The following SLC41A2 variants were observed in gnomAD, a reference collection of about 807,000 sequenced individuals.
SLC41A2 encodes the protein solute carrier family 41 member 2, also known as SLC41A1-like 1.
Under a neutral mutation model 58.3 loss-of-function variants are expected in SLC41A2, and 32 were observed. The ratio of observed to expected loss-of-function variants is 0.55; its 90% CI spans 0.41 to 0.74. The LOEUF is 0.74. SLC41A2 is among the 30% of genes least tolerant of loss of function. The probability of loss-of-function intolerance (pLI) is 0.00; values close to 1 mark genes in which losing one functional copy is unlikely to be tolerated. For missense variants in SLC41A2, 514 were observed against 680.6 expected, an observed-to-expected ratio of 0.76 and a Z score of 2.72; for synonymous variants, 190 against 235.0, an observed-to-expected ratio of 0.81 and a Z score of 1.75.
At chr12:104,938,992 A>G (rs538210580) in intron 1 of SLC41A2, among the ~76,000 whole-genome samples, 43 of 152,264 alleles carry the variant, frequency 2.8e-4, no homozygotes, top group Admixed American at 2.3e-3. Flanking sequence ...CTAAAAAATA[A>G]GTATACATTT....
chr12:104,909,037 G>A (rs1428829616), intron 3 of SLC41A2, among the ~76,000 whole-genome samples: 1 of 152,096 alleles, frequency 6.6e-6, no homozygotes, highest in Non-Finnish European at 1.5e-5. Context: ...TAACGACACA[G>A]ATCTACATTT....
chr12:104,855,492 T>C (rs1244665953), intron 8 of SLC41A2, among the ~76,000 whole-genome samples: 2 of 152,250 alleles, frequency 1.3e-5, no homozygotes, highest in East Asian at 1.9e-4. Context: ...TTGAACGTTA[T>C]ATAAATGGAA....
chr12:104,905,117 T>C (rs552585998), intron 3 of SLC41A2, among the ~76,000 whole-genome samples: 23 of 152,142 alleles, frequency 1.5e-4, no homozygotes, highest in African/African-American at 5.3e-4. Flanking sequence ...ATACAGAGTT[T>C]CCACACACAG....
chr12:104,937,500 G>A (rs1262017962), intron 1 of SLC41A2, among the ~76,000 whole-genome samples: 2 of 152,190 alleles, frequency 1.3e-5, no homozygotes, highest in East Asian at 1.9e-4. Flanking sequence ...TAGCCTAGGA[G>A]CGATAGGCCA....
chr12:104,811,566 G>A (rs2041175603), intron 10 of SLC41A2, among the ~76,000 whole-genome samples: 1 of 152,070 alleles, frequency 6.6e-6, no homozygotes, highest in African/African-American at 2.4e-5. Context: ...GGGATAAACA[G>A]GAGTTACCAA....
At chr12:104,814,132 G>A (rs2041292973) in intron 10 of SLC41A2, among the ~76,000 whole-genome samples, 1 of 152,162 alleles carries the variant, frequency 6.6e-6, no homozygotes, top group Non-Finnish European at 1.5e-5. Context: ...AGTCAGGCAT[G>A]GTGGCTCACA....
At chr12:104,823,924 C>G (rs2041739263) in intron 10 of SLC41A2, among the ~76,000 whole-genome samples, 1 of 152,130 alleles carries the variant, frequency 6.6e-6, no homozygotes, top group Non-Finnish European at 1.5e-5. Context: ...TTTTGTCACA[C>G]ACAAAAAAAT....
rs569041184 is a variant in SLC41A2, at chr12:104,912,689, C to T, written c.556-2927G>A. On this transcript the variant is annotated intron_variant, in intron 2 of 10. Transcript: ENST00000258538. ...GCAGCTTCAGCAGACCAATCAAGCC[C>T]GAAGAGGAGATCACCGGAACCCCAG... Among the ~76,000 whole-genome samples the T allele has an allele frequency of 2.6e-5, 4 of 152,242 alleles. No homozygotes were observed. The South Asian group carries it at 8.3e-4, about 32-fold the overall frequency.
At chr12:104,822,905 G>A (rs939800583) in intron 10 of SLC41A2, among the ~76,000 whole-genome samples, 2 of 152,230 alleles carry the variant, frequency 1.3e-5, no homozygotes, top group South Asian at 4.1e-4. Context: ...TCACTATATT[G>A]AGAGGGAATT....
Position 104,899,965 on chromosome 12 carries a change from C to T in SLC41A2, c.664-4620G>A, listed in dbSNP as rs570512874. On this transcript the variant is annotated intron_variant, in intron 3 of 10. Transcript: ENST00000258538. ...ATTCCTATGTAAATGCACTTTAGTA[C>T]TTGGTCACAGATTTCACCAGATCTT... 2.0e-5 allele frequency among the ~76,000 whole-genome samples: 3 copies of T among 152,234 alleles called. No homozygotes were observed. In the South Asian group the frequency reaches 6.2e-4, roughly 32 times the overall value.
intron 1 of SLC41A2, among the ~76,000 whole-genome samples, chr12:104,935,203 C>T (rs2047214211): frequency 6.6e-6 from 1 of 152,044 alleles, no homozygotes; most frequent in Non-Finnish European, 1.5e-5. Flanking sequence ...AGGTGATCTG[C>T]CCTCCTCAGC....
rs756105347 is a variant in SLC41A2 at position 104,805,273 on chromosome 12, G to T, written c.1601C>A (p.Pro534Gln). ...TAGGTAGGGGATGGAGAAACTATCC[G>T]GGTCCTTTCCTTTCCTCCAGAAGTG... ...VHHFWRKGKD[P>Q]DSFSIPYLTA... Residue 534 changes from proline to glutamine, a missense_variant, in exon 11 of 11, where the codon CCG (proline) becomes CAG (glutamine). Around this residue, in one of 3 missense-constraint regions of SLC41A2, gnomAD observed 128 missense variants for 146.0 expected, o/e 0.88. Transcript: ENST00000258538. 1 of 1,613,718 alleles carries T rather than the reference G, an allele frequency of 6.2e-7. No individual in the cohort carries two copies. Among genetic ancestry groups the T allele is most frequent in the African/African-American group, 1.3e-5 (1 of 74,870 alleles).
At chr12:104,834,697 CAT>C (rs2042150108) in intron 10 of SLC41A2, among the ~76,000 whole-genome samples, 3 of 151,082 alleles carry the variant, frequency 2.0e-5, no homozygotes, top group East Asian at 3.9e-4. Context: ...AAAAAAAAGA[CAT>C]AACTACATCA....
chr12:104,933,576 A>G (rs1256082990), intron 1 of SLC41A2, among the ~76,000 whole-genome samples: 2 of 148,998 alleles, frequency 1.3e-5, no homozygotes, highest in Non-Finnish European at 2.9e-5. Context: ...AGACACTTGC[A>G]CGCGTATGTT....
At chr12:104,892,127 C>G (rs1039011410) in intron 4 of SLC41A2, among the ~76,000 whole-genome samples, 2 of 151,538 alleles carry the variant, frequency 1.3e-5, no homozygotes, top group African/African-American at 2.4e-5. Context: ...TGGTGAAACC[C>G]CATCTCTACT....
intron 2 of SLC41A2, among the ~76,000 whole-genome samples, chr12:104,910,325 T>A (rs1223981772): frequency 1.3e-5 from 2 of 151,974 alleles, no homozygotes; most frequent in Non-Finnish European, 2.9e-5. Context: ...GGCAGAGAGG[T>A]TCATAAAAAC....
At chr12:104,830,140 G>T (rs1388727454) in intron 10 of SLC41A2, among the ~76,000 whole-genome samples, 1 of 152,156 alleles carries the variant, frequency 6.6e-6, no homozygotes, top group Non-Finnish European at 1.5e-5. Flanking sequence ...TGTGACTGGG[G>T]AGTTGGTTCA....
intron 10 of SLC41A2, among the ~76,000 whole-genome samples, chr12:104,820,932 ACTGTGCCCCGC>A (rs201401435): frequency 0.013 from 1,933 of 152,354 alleles, 53 homozygotes; most frequent in African/African-American, 0.044. Flanking sequence ...GGCATGAGCC[ACTGTGCCCCGC>A]CTAATGCAGG....
At chr12:104,878,462 G>T (rs1277335171) in intron 6 of SLC41A2, among the ~76,000 whole-genome samples, 76 of 124,072 alleles carry the variant, frequency 6.1e-4, no homozygotes, top group Admixed American at 3.1e-3. Flanking sequence ...TCCCTCCCCC[G>T]TCCCCCCACC....
Sources: allele counts gnomAD v4.1 joint callset (sites outside exome capture counted in the v4.1 genomes callset), GRCh38; gene constraint gnomAD v4.1.1; regional missense constraint gnomAD v4.1.1; transcripts MANE v1.5; gene names NCBI Gene and HGNC (gene_info 2026-07-23, HGNC 2026-07-21).